Variants in ABTB2 observed in about 807,000 individuals in gnomAD.
The protein encoded by ABTB2 is ankyrin repeat and BTB/POZ domain-containing protein 2.
A neutral mutation model predicts 104.1 loss-of-function variants in ABTB2; 56 were observed. The ratio of observed to expected loss-of-function variants is 0.54; its 90% CI spans 0.43 to 0.67. The LOEUF is 0.67. Among genes scored for constraint, ABTB2 ranks in the 30% least tolerant of loss-of-function variants. The pLI is 0.00. For synonymous variants in ABTB2, 606 were observed against 608.2 expected (o/e 1.00, Z 0.05); for missense variants, 1,279 against 1,407.7 (o/e 0.91, Z 1.46).
chr11:34,222,837 A>T (rs913760903), intron 1 of ABTB2, among the ~76,000 whole-genome samples: 1 of 152,128 alleles, frequency 6.6e-6, no homozygotes, highest in African/African-American at 2.4e-5. Flanking sequence ...TTGCACACAG[A>T]ACCAAAATAG....
chr11:34,181,226 C>T (rs1051123005), intron 3 of ABTB2, among the ~76,000 whole-genome samples: 13 of 145,084 alleles, frequency 9.0e-5, no homozygotes, highest in African/African-American at 3.3e-4. Flanking sequence ...TAAGAGGCCC[C>T]TGCAGCCTGG....
intron 1 of ABTB2, among the ~76,000 whole-genome samples, chr11:34,281,105 C>G (rs1319751391): frequency 6.6e-6 from 1 of 152,116 alleles, no homozygotes; most frequent in African/African-American, 2.4e-5. Context: ...GAATGGGAAC[C>G]TCCACCCAAA....
Position 34,206,379 on chromosome 11 carries a change from AAAAAC to A in ABTB2, c.884-1694_884-1690del, listed in dbSNP as rs146193179. Among the ~76,000 whole-genome samples the A allele has an allele frequency of 2.6e-3, 391 of 152,274 alleles. 1 individual carries two copies. The highest frequency in any genetic ancestry group is 9.2e-3 in the African/African-American group (383 of 41,550). On this transcript the variant is annotated intron_variant, in intron 1 of 16. Transcript: ENST00000435224. ...GCCTGGCAACAGAGACTGTGTCTCA[AAAAAC>A]AAAACAAAACAAAACAAAAAAACCC...
chr11:34,158,682 CTG>C (rs2133002385), intron 14 of ABTB2, among the ~76,000 whole-genome samples: 1 of 152,350 alleles, frequency 6.6e-6, no homozygotes, highest in Non-Finnish European at 1.5e-5. Flanking sequence ...AGGTCTTCCT[CTG>C]GACCTTGTCT....
rs1363625721 is a variant in ABTB2 at position 34,248,114 on chromosome 11, A to ATTTTTTTTTTTTTTTTTT, written c.884-43425_884-43424insAAAAAAAAAAAAAAAAAA. Among the ~76,000 whole-genome samples, 205 of 126,330 alleles carry ATTTTTTTTTTTTTTTTTT rather than the reference A, an allele frequency of 1.6e-3. 16 individuals are homozygous for ATTTTTTTTTTTTTTTTTT. Among genetic ancestry groups the ATTTTTTTTTTTTTTTTTT allele is most frequent in the African/African-American group, 6.0e-3 (192 of 32,098 alleles). The allele number at this position is 126,330 out of a possible 152,430, so 82.9% of individuals were successfully genotyped here. A position where few individuals can be genotyped will look rare whatever the true frequency, so the allele number is the denominator to read the frequency against. ...TTTTTCTTAAAAAAAAAAAAAAAAA[A>ATTTTTTTTTTTTTTTTTT]AAAAAAAACAGGGTCTTGCCCTGTC... On this transcript the variant is annotated intron_variant, in intron 1 of 16. Transcript: ENST00000435224.
intron 1 of ABTB2, among the ~76,000 whole-genome samples, chr11:34,281,631 A>G (rs898475310): frequency 7.2e-5 from 11 of 152,222 alleles, no homozygotes; most frequent in African/African-American, 2.7e-4. Flanking sequence ...AATCCAGATG[A>G]TTCCTAAGAG....
rs541725944 is a variant in ABTB2 at position 34,311,923 on chromosome 11, C to T, written c.883+44778G>A. Among the ~76,000 whole-genome samples the T allele has an allele frequency of 1.2e-4, 18 of 152,158 alleles. No individual in the cohort carries two copies. In the East Asian group the frequency reaches 3.3e-3, roughly 28 times the overall value. On this transcript the variant is annotated intron_variant, in intron 1 of 16. Transcript: ENST00000435224. ...TGGGAGGCCAAGGTGGGCGGAGCACCTGAGGTCAGGAGTTGGAGACCAGCC... is the reference window on the plus strand; with the variant it reads ...TGGGAGGCCAAGGTGGGCGGAGCACTTGAGGTCAGGAGTTGGAGACCAGCC...
At chr11:34,291,460 C>G (rs138912213) in intron 1 of ABTB2, among the ~76,000 whole-genome samples, 2 of 152,164 alleles carry the variant, frequency 1.3e-5, no homozygotes, top group Admixed American at 6.6e-5. Context: ...GCGTGGGGCA[C>G]AGGACTGAAA....
At chr11:34,177,393 T>C (rs1852970845) in intron 3 of ABTB2, among the ~76,000 whole-genome samples, 1 of 152,202 alleles carries the variant, frequency 6.6e-6, no homozygotes, top group African/African-American at 2.4e-5. Context: ...AGGTGGAAAA[T>C]TGAAAACTGC....
intron 3 of ABTB2, among the ~76,000 whole-genome samples, chr11:34,176,279 CA>C (rs58009507): frequency 0.095 from 7,058 of 74,644 alleles, 77 homozygotes; most frequent in Admixed American, 0.13. Flanking sequence ...GACTCCGTCT[CA>C]AAAAAAAAAA....
At chr11:34,257,556 C>G (rs577760671) in intron 1 of ABTB2, among the ~76,000 whole-genome samples, 1 of 152,180 alleles carries the variant, frequency 6.6e-6, no homozygotes, top group African/African-American at 2.4e-5. Context: ...ACACAATCAT[C>G]GAGCATTTGA....
intron 1 of ABTB2, among the ~76,000 whole-genome samples, chr11:34,274,854 C>T (rs1854365451): frequency 6.6e-6 from 1 of 152,114 alleles, no homozygotes; most frequent in Non-Finnish European, 1.5e-5. Context: ...ACATTTCCTG[C>T]TTTTCCACTT....
At chr11:34,182,504 G>GGC (rs1315279450) in intron 3 of ABTB2, among the ~76,000 whole-genome samples, 1 of 139,432 alleles carries the variant, frequency 7.2e-6, no homozygotes, top group Non-Finnish European at 1.6e-5. Flanking sequence ...CTCTGGGGGG[G>GGC]GGGGGAAATT....
Position 34,174,615 on chromosome 11 carries a change from T to C in ABTB2, c.1245-1308A>G, listed in dbSNP as rs2467384. Among the ~76,000 whole-genome samples the C allele has an allele frequency of 8.9e-3, 1,357 of 152,320 alleles. 20 individuals carry two copies. Among genetic ancestry groups the C allele is most frequent in the African/African-American group, 0.031 (1,282 of 41,576 alleles). ...TTCAGCTGGGGGGCGGGGACGCGTT[T>C]CTGTCCTCTGCCAGCTCTGGCAAGG... is the stretch of plus-strand genomic sequence containing the variant. On this transcript the variant is annotated intron_variant, in intron 3 of 16. Coordinates refer to ENST00000435224, the MANE Select transcript of ABTB2 (RefSeq NM_145804.3).
intron 1 of ABTB2, among the ~76,000 whole-genome samples, chr11:34,234,173 G>C (rs1315635322): frequency 6.6e-6 from 1 of 152,166 alleles, no homozygotes; most frequent in Non-Finnish European, 1.5e-5. Flanking sequence ...TGGGGTGGGG[G>C]CAAGGGTAAG....
chr11:34,302,751 G>A (rs1854722430), intron 1 of ABTB2, among the ~76,000 whole-genome samples: 1 of 152,208 alleles, frequency 6.6e-6, no homozygotes, highest in Admixed American at 6.5e-5. Flanking sequence ...TAGCGCTTGC[G>A]AGGGGTAGTA....
chr11:34,191,255 TGAGCCAGTC>T (rs1853171365), intron 3 of ABTB2, among the ~76,000 whole-genome samples: 1 of 152,060 alleles, frequency 6.6e-6, no homozygotes. Flanking sequence ...GGTGACAGAG[TGAGCCAGTC>T]TCTTAAAGAG....
intron 1 of ABTB2, among the ~76,000 whole-genome samples, chr11:34,314,504 A>G (rs1224270485): frequency 6.6e-6 from 1 of 152,228 alleles, no homozygotes; most frequent in Admixed American, 6.5e-5. Context: ...TTAAGGACCT[A>G]CCATGTGACA....
rs996063428 is a variant in ABTB2, at chr11:34,197,495, G to A, written c.1074C>T (p.His358=). The change falls in exon 3 of 17, where the codon CAC becomes CAT. Residue 358 remains histidine, a synonymous_variant. Coordinates refer to ENST00000435224, the MANE Select transcript of ABTB2 (RefSeq NM_145804.3). ...SRAMHHMQGR[H]PLCPGASPAR... ...CAGGGCTGGCACCCGGGCACAGGGG[G>A]TGACGCCCCTGCATGTGGTGCATGG... 2.5e-6 allele frequency: 4 copies of A among 1,581,402 alleles called. No individual in the cohort carries two copies. Among genetic ancestry groups the A allele is most frequent in the African/African-American group, 2.7e-5 (2 of 74,434 alleles).
Sources: gnomAD v4.1 joint callset for allele counts (sites outside exome capture counted in the v4.1 genomes callset) on GRCh38, gnomAD v4.1.1 for gene constraint, MANE v1.5 for transcripts, NCBI Gene and HGNC (gene_info 2026-07-23, HGNC 2026-07-21) for gene names.